The following MYO1H variants were observed in gnomAD, a reference collection of about 807,000 sequenced individuals.
MYO1H encodes the protein myosin IH, also known as unconventional myosin-Ih.
Under a neutral mutation model 149.3 loss-of-function variants are expected in MYO1H, and 118 were observed. The ratio of observed to expected loss-of-function variants is 0.79; its 90% CI spans 0.68 to 0.92. MYO1H has a LOEUF of 0.92. Ranked by LOEUF, MYO1H falls within the 40% of genes least tolerant of loss-of-function variation. MYO1H has a pLI of 0.00. For synonymous variants in MYO1H, 447 were observed against 465.2 expected (o/e 0.96, Z 0.50); for missense variants, 1,212 against 1,280.7 (o/e 0.95, Z 0.82).
chr12:109,447,013 C>G (rs1408991846), intron 31 of MYO1H, 146 bp from the exon 32 acceptor site: 4 of 774,624 alleles, frequency 5.2e-6, no homozygotes, highest in Admixed American at 2.1e-5. Context: ...GTTTCTAAGT[C>G]TGGCTTGTCT....
intron 1 of MYO1H, among the ~76,000 whole-genome samples, chr12:109,372,236 G>C (rs142606597): frequency 6.6e-6 from 1 of 151,752 alleles, no homozygotes; most frequent in African/African-American, 2.4e-5. Flanking sequence ...ATATTTTCTT[G>C]TACTTTCCTT....
chr12:109,444,559 T>TAA, intron 30 of MYO1H, 30 bp downstream of exon 30: 5 of 1,535,204 alleles, frequency 3.3e-6, no homozygotes, highest in East Asian at 4.5e-5. Context: ...GCTCAGGAAG[T>TAA]AATTCAATGT....
At chr12:109,329,569 A>T in the MYO1H span, among the ~76,000 whole-genome samples, 247 of 152,250 alleles carry the variant, frequency 1.6e-3, 3 homozygotes, top group African/African-American at 5.3e-3. Context: ...GTTACTTCTT[A>T]TGCTAGAAAA....
At chr12:109,404,936 T>C (rs535238273) in intron 7 of MYO1H, among the ~76,000 whole-genome samples, 12 of 151,840 alleles carry the variant, frequency 7.9e-5, no homozygotes, top group South Asian at 2.1e-4. Flanking sequence ...TGAAGCCAGG[T>C]GCAGTGGCTC....
intron 1 of MYO1H, among the ~76,000 whole-genome samples, chr12:109,356,038 T>C (rs1188816547): frequency 6.6e-6 from 1 of 152,066 alleles, no homozygotes; most frequent in Non-Finnish European, 1.5e-5. Flanking sequence ...CTTTAAGTGG[T>C]TTCTAAATGT....
chr12:109,437,011 A>G (rs1871888306), intron 22 of MYO1H, among the ~76,000 whole-genome samples: 1 of 152,166 alleles, frequency 6.6e-6, no homozygotes, highest in Admixed American at 6.5e-5. Flanking sequence ...GGGCTGATGC[A>G]GGAGGACTGT....
At chr12:109,434,923 T>A (rs1183806568) in intron 20 of MYO1H, 114 bp from the exon 21 acceptor site, 5 of 632,276 alleles carry the variant, frequency 7.9e-6, no homozygotes, top group Non-Finnish European at 1.4e-5. Flanking sequence ...TATTTCCAAA[T>A]AAGATGGTAT....
intron 15 of MYO1H, among the ~76,000 whole-genome samples, chr12:109,418,390 C>T (rs1345969914): frequency 2.0e-5 from 3 of 151,680 alleles, no homozygotes; most frequent in African/African-American, 7.3e-5. Flanking sequence ...GCTTCATTAC[C>T]CAGGCTAAAG....
chr12:109,329,529 G>C, the MYO1H span, among the ~76,000 whole-genome samples: 1 of 152,158 alleles, frequency 6.6e-6, no homozygotes, highest in Non-Finnish European at 1.5e-5. Context: ...ATGAATTTTT[G>C]ACTACTCGGG....
chr12:109,347,499 T>C (rs576197413), upstream of MYO1H, among the ~76,000 whole-genome samples: 1 of 152,266 alleles, frequency 6.6e-6, no homozygotes, highest in Non-Finnish European at 1.5e-5. Context: ...GGCTGTAAAG[T>C]TTTTCAAACA....
the MYO1H span, among the ~76,000 whole-genome samples, chr12:109,334,774 A>G: frequency 6.6e-6 from 1 of 152,136 alleles, no homozygotes; most frequent in Non-Finnish European, 1.5e-5. Context: ...TAAAAGCTTT[A>G]TTGAGAGAGA....
chr12:109,438,109 T>TAAAAAAAA (rs1871946832), intron 22 of MYO1H, among the ~76,000 whole-genome samples: 1 of 133,556 alleles, frequency 7.5e-6, no homozygotes. Flanking sequence ...AAAAAAAAAT[T>TAAAAAAAA]GGGAAATAAG....
chr12:109,338,067 A>C, the MYO1H span, among the ~76,000 whole-genome samples: 2 of 152,138 alleles, frequency 1.3e-5, no homozygotes, highest in East Asian at 3.9e-4. Flanking sequence ...CAAATCATTT[A>C]TTTGATGGAT....
chr12:109,364,063 G>A (rs891431060), intron 1 of MYO1H, among the ~76,000 whole-genome samples: 1 of 150,616 alleles, frequency 6.6e-6, no homozygotes, highest in African/African-American at 2.4e-5. Context: ...TATGTTAGCC[G>A]GGAAGTCTGA....
At chr12:109,363,733 G>GTCTTGC (rs1358560283) in intron 1 of MYO1H, among the ~76,000 whole-genome samples, 7 of 151,920 alleles carry the variant, frequency 4.6e-5, no homozygotes, top group Non-Finnish European at 8.8e-5. Flanking sequence ...AAGAAGACGC[G>GTCTTGC]TCTTGCTGGC....
chr12:109,436,620 C>T, intron 22 of MYO1H, 64 bp downstream of exon 22: 1 of 1,133,242 alleles, frequency 8.8e-7, no homozygotes, highest in Non-Finnish European at 1.3e-6. Context: ...CCTGGGGGCA[C>T]ATTTGTGAGT....
At chr12:109,439,564 G>C in intron 23 of MYO1H, 67 bp from the exon 24 acceptor site, 6 of 1,501,492 alleles carry the variant, frequency 4.0e-6, no homozygotes, top group Non-Finnish European at 5.4e-6. Flanking sequence ...ATCAAAGAAG[G>C]GGGAAGAGAA....
intron 9 of MYO1H, 95 bp from the exon 10 acceptor site, chr12:109,407,699 T>G: frequency 1.7e-5 from 23 of 1,327,590 alleles, no homozygotes; most frequent in East Asian, 7.7e-5. Context: ...CCCTGTCTCA[T>G]TATTTTATTT....
the MYO1H span, among the ~76,000 whole-genome samples, chr12:109,334,553 G>C: frequency 6.6e-6 from 1 of 152,192 alleles, no homozygotes; most frequent in African/African-American, 2.4e-5. Context: ...AGGAAAGCCA[G>C]GACCAGATCC....
Sources: allele counts gnomAD v4.1 joint callset (sites outside exome capture counted in the v4.1 genomes callset), GRCh38; gene constraint gnomAD v4.1.1; transcripts MANE v1.5; gene names NCBI Gene and HGNC (gene_info 2026-07-23, HGNC 2026-07-21).